Variants in PLA2G4C observed in about 807,000 individuals in gnomAD.
PLA2G4C encodes cytosolic phospholipase A2 gamma.
Under a neutral mutation model 73.8 loss-of-function variants are expected in PLA2G4C, and 64 were observed. The observed-to-expected ratio is 0.87, with a 90% CI of 0.71 to 1.07. PLA2G4C has a LOEUF of 1.07. Ranked by LOEUF, PLA2G4C falls within the 50% of genes least tolerant of loss-of-function variation. The probability of loss-of-function intolerance (pLI) is 0.00; values close to 1 mark genes in which losing one functional copy is unlikely to be tolerated. For missense variants in PLA2G4C, 622 were observed against 665.4 expected, an observed-to-expected ratio of 0.93 and a Z score of 0.72; for synonymous variants, 254 against 252.1, an observed-to-expected ratio of 1.01 and a Z score of -0.07.
intron 10 of PLA2G4C, among the ~76,000 whole-genome samples, chr19:48,082,181 T>C (rs1049002514): frequency 2.0e-4 from 31 of 152,022 alleles, no homozygotes; most frequent in African/African-American, 7.5e-4. Context: ...TAATTCATCG[T>C]GTAACAGAAA....
chr19:48,078,925 A>G (rs1407496483), intron 10 of PLA2G4C, among the ~76,000 whole-genome samples: 2 of 148,112 alleles, frequency 1.4e-5, no homozygotes, highest in East Asian at 4.0e-4. Context: ...GCTGGAGTGC[A>G]ATGGCCAATT....
Position 48,062,134 on chromosome 19 carries a change from A to T in PLA2G4C, c.1121T>A (p.Ile374Lys). Residue 374 changes from isoleucine to lysine, a missense_variant, in exon 14 of 17, where the codon ATA (isoleucine) becomes AAA (lysine). Ile to Lys is a moderately radical substitution (Grantham distance 102, BLOSUM62 -3). Coordinates refer to ENST00000599921, the MANE Select transcript of PLA2G4C (RefSeq NM_003706.3). The stretch of plus-strand genomic sequence containing the variant: ...GTGGAGGTGCTTCCGGCTGCTCATT[A>T]TCTTGTCCCGGATGCCACCTGTGGT... ...LYKHGGIRDK[I>K]MSSRKHLHLV... 6.3e-7 allele frequency: 1 copy of T among 1,588,292 alleles called. No homozygotes were observed. The highest frequency in any genetic ancestry group is 8.6e-7 in the Non-Finnish European group (1 of 1,165,734).
At position 48,055,049 on chromosome 19, in the gene PLA2G4C, T is replaced by C. The variant is rs1216767986; in HGVS notation, c.1258A>G (p.Thr420Ala). 6.2e-7 allele frequency: 1 copy of C among 1,600,328 alleles called. No homozygotes were observed. The change falls in exon 15 of 17, where the codon ACC becomes GCC. Residue 420 changes from threonine to alanine, a missense_variant and splice_region_variant. Transcript: ENST00000599921. Reference protein sequence around the residue: ...FDFSAGDPFETIRATTDYCRR... With the variant: ...FDFSAGDPFEAIRATTDYCRR... ...CAGTAGTCAGTGGTAGCCCGGATGG[T>C]CTGAGAAGGAGGCAATAAGAAATGG...
At chr19:48,092,951 G>A (rs773402545) in intron 7 of PLA2G4C, among the ~76,000 whole-genome samples, 18 of 152,148 alleles carry the variant, frequency 1.2e-4, no homozygotes, top group Non-Finnish European at 2.9e-5. Flanking sequence ...TAAATAAAAA[G>A]CACCCTGGTG....
At chr19:48,090,274 C>T (rs529016322) in intron 8 of PLA2G4C, 90 bp downstream of exon 8, 6 of 922,992 alleles carry the variant, frequency 6.5e-6, no homozygotes, top group South Asian at 4.0e-5. Flanking sequence ...ACACACAGGT[C>T]TCTCTTCTGC....
chr19:48,088,141 G>T (rs1040769198), intron 9 of PLA2G4C, among the ~76,000 whole-genome samples: 1 of 152,078 alleles, frequency 6.6e-6, no homozygotes, highest in African/African-American at 2.4e-5. Context: ...TGCATGCCTT[G>T]TGGGGAATGA....
At position 48,104,728 on chromosome 19, in the gene PLA2G4C, G is replaced by A. The variant is rs746283695; in HGVS notation, c.121-4C>T. 5 of 1,613,812 alleles carry A rather than the reference G, an allele frequency of 3.1e-6. No homozygotes were observed. The highest frequency in any genetic ancestry group is 4.2e-6 in the Non-Finnish European group (5 of 1,179,906). Reference sequence around the variant, plus strand: ...CCAGCACAGCAACAACTGGGGCCTAGGCATTGGGGAGAAAATCGATCAGAG... The same window carrying A: ...CCAGCACAGCAACAACTGGGGCCTAAGCATTGGGGAGAAAATCGATCAGAG... On this transcript the variant is annotated splice_region_variant and splice_polypyrimidine_tract_variant and intron_variant, in intron 3 of 16. Coordinates refer to ENST00000599921, the MANE Select transcript of PLA2G4C (RefSeq NM_003706.3).
chr19:48,052,632 G>A (rs1474792043), intron 16 of PLA2G4C, among the ~76,000 whole-genome samples: 1 of 152,060 alleles, frequency 6.6e-6, no homozygotes, highest in Admixed American at 6.6e-5. Flanking sequence ...CAATATACAC[G>A]GAGACAAGCG....
intron 9 of PLA2G4C, among the ~76,000 whole-genome samples, chr19:48,086,214 T>C (rs1183333780): frequency 6.6e-6 from 1 of 152,134 alleles, no homozygotes; most frequent in African/African-American, 2.4e-5. Flanking sequence ...AGCTTATGAC[T>C]TGGGGGCATT....
chr19:48,079,747 G>A (rs112730498), intron 10 of PLA2G4C, among the ~76,000 whole-genome samples: 3,087 of 152,232 alleles, frequency 0.02, 105 homozygotes, highest in African/African-American at 0.069. Context: ...CCAGCTGGGC[G>A]GATCTTCAGG....
chr19:48,067,846 G>A lies in PLA2G4C; in HGVS notation c.1047C>T (p.Gly349=), dbSNP rs763755480. Residue 349 remains glycine (G), a synonymous_variant, in exon 13 of 17, where the codon GGC becomes GGT. Transcript: ENST00000599921. ...CCCATTCCCACTTTGAAGCGCAAAT[G>A]CCTGTTTTCTTCACAAAATCCATCA... The part of the protein sequence containing the change: ...SNLMDFVKKT[G]ICASKWEWGT... 2.5e-6 allele frequency: 4 copies of A among 1,613,826 alleles called. No homozygotes were observed. In the South Asian group the frequency reaches 3.3e-5, roughly 13 times the overall value.
chr19:48,081,755 G>A (rs1212658620), intron 10 of PLA2G4C, among the ~76,000 whole-genome samples: 3 of 140,282 alleles, frequency 2.1e-5, no homozygotes, highest in South Asian at 2.3e-4. Context: ...GTGAAATTCC[G>A]TCTCAAAAAA....
At chr19:48,067,452 G>A (rs972317973) in intron 13 of PLA2G4C, among the ~76,000 whole-genome samples, 2 of 152,178 alleles carry the variant, frequency 1.3e-5, no homozygotes, top group Non-Finnish European at 2.9e-5. Flanking sequence ...ACAGGCATGA[G>A]CCACTGCGCC....
chr19:48,080,077 G>A (rs1468596164), intron 10 of PLA2G4C, among the ~76,000 whole-genome samples: 1 of 152,022 alleles, frequency 6.6e-6, no homozygotes, highest in African/African-American at 2.4e-5. Flanking sequence ...TGCAAACTAG[G>A]CATCCACAAA....
intron 8 of PLA2G4C, among the ~76,000 whole-genome samples, chr19:48,089,306 A>G (rs1174686884): frequency 6.6e-6 from 1 of 152,106 alleles, no homozygotes; most frequent in Non-Finnish European, 1.5e-5. Flanking sequence ...GCGCGCCTGT[A>G]GTCCCAGTTA....
chr19:48,090,148 A>G (rs2031214080), intron 8 of PLA2G4C: 1 of 542,004 alleles, frequency 1.8e-6, no homozygotes, highest in African/African-American at 1.9e-5. Context: ...CAAAGCTTAC[A>G]TGTACCAGAG....
chr19:48,092,546 T>C (rs1331878282), intron 7 of PLA2G4C, among the ~76,000 whole-genome samples: 5 of 152,216 alleles, frequency 3.3e-5, no homozygotes, highest in Admixed American at 2.6e-4. Context: ...AAATGTGGTA[T>C]ATTCGTACAA....
intron 14 of PLA2G4C, among the ~76,000 whole-genome samples, chr19:48,055,410 T>TATATATATATA (rs201946576): frequency 1.1e-4 from 16 of 148,348 alleles, no homozygotes; most frequent in Admixed American, 1.3e-4. Context: ...TATATATATA[T>TATATATATATA]TTCAATTAGC....
rs2032461270 is a variant in PLA2G4C at position 48,110,616 on chromosome 19, G to A, written c.-162C>T. 4.1e-6 allele frequency: 3 copies of A among 738,526 alleles called. No homozygotes were observed. The highest frequency in any genetic ancestry group is 5.3e-6 in the Non-Finnish European group (3 of 565,334). The allele number at this position is 738,526 out of a possible 1,614,324, so 45.7% of individuals were successfully genotyped here. On this transcript the variant is annotated 5_prime_UTR_variant, in exon 1 of 17. Transcript: ENST00000599921. ...AGCTCCTTCAGCCGGAATCTCCGCG[G>A]GTGAAGACTGCGGGGATCCTCGGTG...
Sources: allele counts gnomAD v4.1 joint callset (sites outside exome capture counted in the v4.1 genomes callset), GRCh38; gene constraint gnomAD v4.1.1; transcripts MANE v1.5; gene names NCBI Gene and HGNC (gene_info 2026-07-23, HGNC 2026-07-21).